The following PLEKHG4B variants were observed in gnomAD, a reference collection of about 807,000 sequenced individuals.
PLEKHG4B encodes pleckstrin homology domain-containing family G member 4B.
Under a neutral mutation model 121.3 loss-of-function variants are expected in PLEKHG4B, and 111 were observed. The ratio of observed to expected loss-of-function variants is 0.92; its 90% CI spans 0.78 to 1.07. The LOEUF is 1.07. Among genes scored for constraint, PLEKHG4B ranks in the 50% least tolerant of loss-of-function variants. The probability of loss-of-function intolerance (pLI) is 0.00; values close to 1 mark genes in which losing one functional copy is unlikely to be tolerated. For missense variants in PLEKHG4B, 1,831 were observed against 1,757.8 expected, an observed-to-expected ratio of 1.04 and a Z score of -0.74; for synonymous variants, 738 against 725.0, an observed-to-expected ratio of 1.02 and a Z score of -0.29.
chr5:151,212 A>G (rs1004361174), intron 6 of PLEKHG4B, among the ~76,000 whole-genome samples: 1 of 152,230 alleles, frequency 6.6e-6, no homozygotes, highest in Non-Finnish European at 1.5e-5. Context: ...GTTGCTTAAC[A>G]GTTCTTTGTC....
chr5:185,278 T>C lies in PLEKHG4B; in HGVS notation c.*2955T>C, dbSNP rs1733592892. 6.6e-6 allele frequency: 1 copy of C among 152,272 alleles called. No homozygotes were observed. Among genetic ancestry groups the C allele is most frequent in the Non-Finnish European group, 1.5e-5 (1 of 68,068 alleles). The allele number at this position is 152,272 out of a possible 1,614,324, so 9.4% of individuals were successfully genotyped here. On this transcript the variant is annotated 3_prime_UTR_variant, in exon 20 of 20. Transcript: ENST00000637938. ...CGGCAAGCCACAGACAGGCCTGCTC[T>C]CTGAATTGGTGACCACATGAGTAAC...
chr5:175,396 GCA>G (rs1736729538), intron 18 of PLEKHG4B, among the ~76,000 whole-genome samples: 1 of 152,006 alleles, frequency 6.6e-6, no homozygotes, highest in South Asian at 2.1e-4. Context: ...CACCTTCACA[GCA>G]ACCACCCCCC....
intron 2 of PLEKHG4B, among the ~76,000 whole-genome samples, chr5:127,526 G>A (rs538388419): frequency 6.6e-6 from 1 of 151,776 alleles, no homozygotes; most frequent in Non-Finnish European, 1.5e-5. Context: ...AGTGTTTAAT[G>A]TCTGGCTCAC....
intron 2 of PLEKHG4B, among the ~76,000 whole-genome samples, chr5:134,082 T>TATATATGATAGA (rs1310557554): frequency 1.3e-4 from 6 of 47,172 alleles, no homozygotes; most frequent in African/African-American, 9.8e-4. Context: ...ATAGAATATA[T>TATATATGATAGA]ATATATATAT....
rs191609113 is a variant in PLEKHG4B at position 132,116 on chromosome 5, C to T, written c.244-7367C>T. Among the ~76,000 whole-genome samples the T allele has an allele frequency of 2.8e-3, 418 of 151,858 alleles. 4 individuals are homozygous for T. The highest frequency in any genetic ancestry group is 9.7e-3 in the African/African-American group (400 of 41,390). On this transcript the variant is annotated intron_variant, in intron 2 of 19. Coordinates refer to ENST00000637938, the MANE Select transcript of PLEKHG4B (RefSeq NM_052909.5). Reference sequence around the variant, plus strand: ...TGATACCAGGAACAAGACAAGGATGCGCACTTTCACCACTTCTATTCAACA... The same window carrying T: ...TGATACCAGGAACAAGACAAGGATGTGCACTTTCACCACTTCTATTCAACA...
chr5:133,941 C>CACACACACACACACACACACACACAT, intron 2 of PLEKHG4B, among the ~76,000 whole-genome samples: 1 of 146,354 alleles, frequency 6.8e-6, no homozygotes, highest in African/African-American at 2.6e-5. Context: ...CACACACACA[C>CACACACACACACACACACACACACAT]ATATATATAT....
At chr5:129,907 T>G (rs1048258682) in intron 2 of PLEKHG4B, among the ~76,000 whole-genome samples, 2 of 152,202 alleles carry the variant, frequency 1.3e-5, no homozygotes, top group African/African-American at 4.8e-5. Context: ...CTTAGAATGT[T>G]GCAAAGTAGG....
chr5:124,554 A>G (rs375840689), intron 2 of PLEKHG4B, among the ~76,000 whole-genome samples: 1 of 152,196 alleles, frequency 6.6e-6, no homozygotes, highest in South Asian at 2.1e-4. Context: ...TGCTGCATAC[A>G]TTTTGATGGT....
At position 163,276 on chromosome 5, in the gene PLEKHG4B, C is replaced by T. The variant is rs764133030; in HGVS notation, c.3204C>T (p.Ala1068=). ...CCTCTGAGCCCACCCAGACCCTGGC[C>T]AGCCGCCCCAGGAAACATCCCCAGA... ...ACSSEPTQTL[A]SRPRKHPQKK... Residue 1068 remains alanine (A), a synonymous_variant, in exon 13 of 20, where the codon GCC becomes GCT. Coordinates refer to ENST00000637938, the MANE Select transcript of PLEKHG4B (RefSeq NM_052909.5). 4 of 1,612,972 alleles carry T rather than the reference C, an allele frequency of 2.5e-6. No individual in the cohort carries two copies. The highest frequency in any genetic ancestry group is 3.4e-6 in the Non-Finnish European group (4 of 1,179,986).
chr5:189,300 C>A lies in PLEKHG4B; in HGVS notation c.*6977C>A, dbSNP rs1210599443. 3 of 152,598 alleles carry A rather than the reference C, an allele frequency of 2.0e-5. No individual in the cohort carries two copies. Among genetic ancestry groups the A allele is most frequent in the Non-Finnish European group, 2.9e-5 (2 of 68,224 alleles). 9.5% of individuals were successfully genotyped at this position (152,598 alleles called of 1,614,324 possible). ...AGGGTGGGAACACCAGACCCCCTCA[C>A]CCCGTGTCCACCGCCCATGGCCGGG... On this transcript the variant is annotated 3_prime_UTR_variant, in exon 20 of 20. Transcript: ENST00000637938.
intron 3 of PLEKHG4B, among the ~76,000 whole-genome samples, chr5:142,354 C>T (rs900467259): frequency 6.6e-6 from 1 of 151,824 alleles, no homozygotes; most frequent in African/African-American, 2.4e-5. Context: ...CACATGATCA[C>T]ATGCTCGAGT....
chr5:169,344 C>T lies in PLEKHG4B; in HGVS notation c.3481C>T (p.Arg1161Ter), dbSNP rs751988828. ...EDGRQQVGSS[R>*]LRHIMAEMIA... Reference sequence around the variant, plus strand: ...CGGGATCTCTGTGTCTTCCAGCAGCCGACTGAGGCACATCATGGCCGAGAT... The same window carrying T: ...CGGGATCTCTGTGTCTTCCAGCAGCTGACTGAGGCACATCATGGCCGAGAT... Residue 1161 changes from arginine to a stop codon, truncating the protein, a stop_gained, in exon 14 of 20, where the codon CGA (arginine) becomes TGA (stop). Coordinates refer to ENST00000637938, the MANE Select transcript of PLEKHG4B (RefSeq NM_052909.5). LOFTEE classifies it high-confidence loss of function. The T allele has an allele frequency of 7.4e-6, 12 of 1,613,646 alleles. No homozygotes were observed. Among genetic ancestry groups the T allele is most frequent in the South Asian group, 2.2e-5 (2 of 91,070 alleles).
At chr5:147,743 G>T (rs1430065294) in intron 6 of PLEKHG4B, among the ~76,000 whole-genome samples, 7 of 152,238 alleles carry the variant, frequency 4.6e-5, no homozygotes, top group African/African-American at 1.7e-4. Context: ...ATTCTATGAT[G>T]CCAGCATTAC....
chr5:155,712 C>A (rs748166597), intron 9 of PLEKHG4B, among the ~76,000 whole-genome samples: 1 of 152,204 alleles, frequency 6.6e-6, no homozygotes, highest in Non-Finnish European at 1.5e-5. Context: ...CTGCTCGGAA[C>A]GAGCCATTCC....
Position 155,026 on chromosome 5 carries a change from G to A in PLEKHG4B, c.2109+35G>A, listed in dbSNP as rs764316178. 2.0e-6 allele frequency: 3 copies of A among 1,522,098 alleles called. No homozygotes were observed. The African/African-American group carries it at 4.1e-5, about 21-fold the overall frequency. The allele number at this position is 1,522,098 out of a possible 1,614,324, so 94.3% of individuals were successfully genotyped here. ...GCCTGCAGCTGCTGCACATGCGACA[G>A]TCTCTGGGGACTTTCTGTTATGTGG... On this transcript the variant is annotated intron_variant, in intron 8 of 19. Transcript: ENST00000637938.
intron 1 of PLEKHG4B, among the ~76,000 whole-genome samples, chr5:94,812 A>G (rs538752669): frequency 1.3e-5 from 2 of 152,232 alleles, no homozygotes; most frequent in Admixed American, 6.5e-5. Flanking sequence ...TCCACCCTCC[A>G]TGAGCTGTTG....
In PLEKHG4B at chr5:159,908, C is replaced by A. The variant is rs543400938; in HGVS notation, c.2488-1875C>A. Among the ~76,000 whole-genome samples the A allele has an allele frequency of 2.0e-5, 3 of 152,142 alleles. No individual in the cohort carries two copies. The highest frequency in any genetic ancestry group is 2.1e-4 in the South Asian group (1 of 4,822). The stretch of plus-strand genomic sequence containing the variant: ...GGCCCTGCCACTCCCGCTTCCTTCC[C>A]GGCCTCCAGGTTTGTGCCCTGGCTG... On this transcript the variant is annotated intron_variant, in intron 11 of 19. Transcript: ENST00000637938. The surrounding 1 kb of genome is among the most constrained non-coding windows in gnomAD (Gnocchi z 5.5).
Position 169,597 on chromosome 5 carries a change from G to T in PLEKHG4B, c.3729+5G>T. ...GGCCGCAGTTTCCTGAGACACGTAA[G>T]TGCAGGCCATGGCGTGGGTGCCGGG... On this transcript the variant is annotated splice_donor_5th_base_variant and intron_variant, in intron 14 of 19. Coordinates refer to ENST00000637938, the MANE Select transcript of PLEKHG4B (RefSeq NM_052909.5). 1 of 1,612,310 alleles carries T rather than the reference G, an allele frequency of 6.2e-7. No homozygotes were observed. The highest frequency in any genetic ancestry group is 2.2e-5 in the East Asian group (1 of 44,884).
Position 113,200 on chromosome 5 carries a change from C to T in PLEKHG4B, c.46-51C>T, listed in dbSNP as rs990485520. 1.5e-5 allele frequency: 6 copies of T among 398,786 alleles called. No individual in the cohort carries two copies. Among genetic ancestry groups the T allele is most frequent in the African/African-American group, 1.0e-4 (5 of 48,620 alleles). The allele number at this position is 398,786 out of a possible 1,614,324, so 24.7% of individuals were successfully genotyped here. A position where few individuals can be genotyped will look rare whatever the true frequency, so the allele number is the denominator to read the frequency against. Reference sequence around the variant, plus strand: ...TGCCAGCCTTGGACTGTGGTGTGCACCTGTCTTGAGTTATGTCCCTAAAGT... The same window carrying T: ...TGCCAGCCTTGGACTGTGGTGTGCATCTGTCTTGAGTTATGTCCCTAAAGT... On this transcript the variant is annotated intron_variant, in intron 1 of 19. Coordinates refer to ENST00000637938, the MANE Select transcript of PLEKHG4B (RefSeq NM_052909.5). This position sits in a 1 kb window ranked among gnomAD's most constrained non-coding sequence, Gnocchi z 5.2.
Sources: gnomAD v4.1 joint callset for allele counts (sites outside exome capture counted in the v4.1 genomes callset) on GRCh38, gnomAD v4.1.1 for gene constraint, Gnocchi (gnomAD v3.1) non-coding constraint, MANE v1.5 for transcripts, NCBI Gene and HGNC (gene_info 2026-07-23, HGNC 2026-07-21) for gene names.